Variants in IL15RA observed in about 807,000 individuals in gnomAD.
The protein encoded by IL15RA is interleukin-15 receptor subunit alpha.
Under a neutral mutation model 24.2 loss-of-function variants are expected in IL15RA, and 26 were observed. That is an observed-to-expected ratio of 1.07 (90% CI 0.79 to 1.49). IL15RA has a LOEUF of 1.49. Ranked by LOEUF, IL15RA falls within the 40% of genes most tolerant of loss-of-function variation. The pLI is 0.00. For synonymous variants in IL15RA, 166 were observed against 157.6 expected, an observed-to-expected ratio of 1.05 and a Z score of -0.40; for missense variants, 354 against 356.4, an observed-to-expected ratio of 0.99 and a Z score of 0.05.
rs1589186391 is a variant in IL15RA at position 5,960,346 on chromosome 10, T to C, written c.583+21A>G. On this transcript the variant is annotated intron_variant, in intron 4 of 6. Transcript: ENST00000379977. This position sits in a 1 kb window ranked among gnomAD's most constrained non-coding sequence, Gnocchi z 5.1. ...GCAGCAATGGGGAACTGACCTCTCC[T>C]GGGGCAAAGCGAGTGCTAACCTGGC... 2 of 1,611,258 alleles carry C rather than the reference T, an allele frequency of 1.2e-6. No individual in the cohort carries two copies. The highest frequency in any genetic ancestry group is 1.1e-5 in the South Asian group (1 of 91,016).
In IL15RA at chr10:5,954,170, T is replaced by TC. The variant is rs561406921; in HGVS notation, c.693-965_693-964insG. Among the ~76,000 whole-genome samples, 226 of 90,908 alleles carry TC rather than the reference T, an allele frequency of 2.5e-3. 1 individual carries two copies. The highest frequency in any genetic ancestry group is 0.013 in the African/African-American group (200 of 15,836). The allele number at this position is 90,908 out of a possible 152,430, so 59.6% of individuals were successfully genotyped here. On this transcript the variant is annotated intron_variant, in intron 6 of 6. Coordinates refer to ENST00000379977, the MANE Select transcript of IL15RA (RefSeq NM_002189.4). ...ACTCATCAAATTTACCAATTCTTCT[T>TC]TTTTTTTTTTTTTTTTTCTGAGACA... is the stretch of plus-strand genomic sequence containing the variant.
chr10:5,958,037 C>G lies in IL15RA; in HGVS notation c.617-1583G>C, dbSNP rs955983397. ...ATTTTATCCTACAGATGTTCTTGCA[C>G]CTATGGATTTTCAATTAATGGCTGT... On this transcript the variant is annotated intron_variant, in intron 5 of 6. Transcript: ENST00000379977. This position sits in a 1 kb window ranked among gnomAD's most constrained non-coding sequence, Gnocchi z 4.3. Among the ~76,000 whole-genome samples the G allele has an allele frequency of 2.6e-5, 4 of 152,164 alleles. No homozygotes were observed. Among genetic ancestry groups the G allele is most frequent in the Admixed American group, 2.0e-4 (3 of 15,268 alleles).
At chr10:5,954,086 C>G (rs1165174308) in intron 6 of IL15RA, 1 of 151,876 alleles carries the variant, frequency 6.6e-6, no homozygotes, top group Non-Finnish European at 1.5e-5. Context: ...AACTAATAAC[C>G]CATTTGCAAA....
downstream of IL15RA, among the ~76,000 whole-genome samples, chr10:5,951,336 A>G (rs554126957): frequency 6.6e-6 from 1 of 151,474 alleles, no homozygotes; most frequent in Admixed American, 6.6e-5. Flanking sequence ...CCCCACAAAA[A>G]AAGAAGTCAG....
At position 5,952,939 on chromosome 10, in the gene IL15RA, G is replaced by A. The variant is rs922272646; in HGVS notation, c.*156C>T. On this transcript the variant is annotated 3_prime_UTR_variant, in exon 7 of 7. Coordinates refer to ENST00000379977, the MANE Select transcript of IL15RA (RefSeq NM_002189.4). ...GAACCTGCTCCCTCGCGCAGGAGGCGCCGACCCGGCAGTCCGTGAGATCCT... is the reference window on the plus strand; with the variant it reads ...GAACCTGCTCCCTCGCGCAGGAGGCACCGACCCGGCAGTCCGTGAGATCCT... 8 of 643,468 alleles carry A rather than the reference G, an allele frequency of 1.2e-5. No individual in the cohort carries two copies. The highest frequency in any genetic ancestry group is 1.1e-4 in the Admixed American group (4 of 34,896). 39.9% of individuals were successfully genotyped at this position (643,468 alleles called of 1,614,324 possible). A position where few individuals can be genotyped will look rare whatever the true frequency, so the allele number is the denominator to read the frequency against.
chr10:5,963,497 A>G lies in IL15RA; in HGVS notation c.382+246T>C, dbSNP rs917421237. On this transcript the variant is annotated intron_variant, in intron 3 of 6. Coordinates refer to ENST00000379977, the MANE Select transcript of IL15RA (RefSeq NM_002189.4). The surrounding 1 kb of genome is among the most constrained non-coding windows in gnomAD (Gnocchi z 5.3). ...ATAAGTGTCTACAACTAAATTTGAT[A>G]TGACATATTAGTGAGTTTTAAACCA... Among the ~76,000 whole-genome samples, 3 of 152,252 alleles carry G rather than the reference A, an allele frequency of 2.0e-5. No homozygotes were observed. Among genetic ancestry groups the G allele is most frequent in the Non-Finnish European group, 2.9e-5 (2 of 68,048 alleles).
chr10:5,978,057 G>C (rs4749859), upstream of IL15RA: 1 of 153,000 alleles, frequency 6.5e-6, no homozygotes, highest in African/African-American at 2.4e-5. The surrounding 1 kb of genome is among the most constrained non-coding windows in gnomAD (Gnocchi z 5.2). Context: ...GCCGCGGTGC[G>C]GAGGCGCGGG....
At position 5,966,189 on chromosome 10, in the gene IL15RA, G is replaced by A; in HGVS notation, c.239C>T (p.Ala80Val). 1 of 1,613,402 alleles carries A rather than the reference G, an allele frequency of 6.2e-7. No individual in the cohort carries two copies. Among genetic ancestry groups the A allele is most frequent in the Non-Finnish European group, 8.5e-7 (1 of 1,179,374 alleles). ...SSLTECVLNK[A>V]TNVAHWTTPS... ...GGTTGTCCAGTGGGCGACATTCGTG[G>A]CCTTGTTCAACACGCACTCCGTCAG... is the stretch of plus-strand genomic sequence containing the variant. The change falls in exon 2 of 7, where the codon GCC becomes GTC. Residue 80 changes from alanine (A) to valine (V), a missense_variant. By Grantham distance (64) the Ala-to-Val change is moderately conservative. Transcript: ENST00000379977. This position sits in a 1 kb window ranked among gnomAD's most constrained non-coding sequence, Gnocchi z 6.4.
chr10:5,977,316 CG>C, intron 1 of IL15RA, 88 bp downstream of exon 1: 1 of 577,618 alleles, frequency 1.7e-6, no homozygotes, highest in South Asian at 6.0e-5. Flanking sequence ...CCGCACGGCC[CG>C]GGGAGATGGG....
chr10:5,974,313 T>A (rs1031299179), intron 1 of IL15RA, among the ~76,000 whole-genome samples: 48 of 152,202 alleles, frequency 3.2e-4, no homozygotes, highest in Non-Finnish European at 4.9e-4. Flanking sequence ...ACAATTCAAT[T>A]TTTAAGAGAG....
intron 5 of IL15RA, among the ~76,000 whole-genome samples, chr10:5,957,517 G>A (rs41294151): frequency 3.4e-5 from 5 of 149,192 alleles, no homozygotes; most frequent in Admixed American, 1.3e-4. Context: ...CTCGTGATCC[G>A]CCTGCCTTAG....
rs988355105 is a variant in IL15RA at position 5,959,650 on chromosome 10, T to C, written c.616+104A>G. The C allele has an allele frequency of 1.1e-5, 10 of 921,446 alleles. No homozygotes were observed. Among genetic ancestry groups the C allele is most frequent in the Non-Finnish European group, 1.6e-5 (9 of 556,706 alleles). The allele number at this position is 921,446 out of a possible 1,614,324, so 57.1% of individuals were successfully genotyped here. A position where few individuals can be genotyped will look rare whatever the true frequency, so the allele number is the denominator to read the frequency against. On this transcript the variant is annotated intron_variant, in intron 5 of 6. Transcript: ENST00000379977. This position sits in a 1 kb window ranked among gnomAD's most constrained non-coding sequence, Gnocchi z 4.1. ...GCCTTCTGAGTGTGGAAGGGGCTGC[T>C]GTCAGGGCTGTGCTGGGGCAGCGGG...
At position 5,959,955 on chromosome 10, in the gene IL15RA, G is replaced by T. The variant is rs1034033621; in HGVS notation, c.584-169C>A. On this transcript the variant is annotated intron_variant, in intron 4 of 6. Coordinates refer to ENST00000379977, the MANE Select transcript of IL15RA (RefSeq NM_002189.4). This position sits in a 1 kb window ranked among gnomAD's most constrained non-coding sequence, Gnocchi z 4.1. ...AGAACAAGCAGGGTAGCTCACTGAGGTGCTGGCCACACTTAAGAATCAGAT... is the reference window on the plus strand; with the variant it reads ...AGAACAAGCAGGGTAGCTCACTGAGTTGCTGGCCACACTTAAGAATCAGAT... Among the ~76,000 whole-genome samples the T allele has an allele frequency of 1.3e-5, 2 of 152,194 alleles. No individual in the cohort carries two copies. Among genetic ancestry groups the T allele is most frequent in the African/African-American group, 2.4e-5 (1 of 41,444 alleles).
In IL15RA at chr10:5,968,085, C is replaced by T. The variant is rs1022136310; in HGVS notation, c.89-1746G>A. Among the ~76,000 whole-genome samples the T allele has an allele frequency of 1.3e-5, 2 of 151,978 alleles. No homozygotes were observed. The highest frequency in any genetic ancestry group is 4.8e-5 in the African/African-American group (2 of 41,368). ...AACAAACAGAAAACCCCCCAAAAAC[C>T]AACAAACCAACCAAACAAAAAACAT... is the stretch of plus-strand genomic sequence containing the variant. On this transcript the variant is annotated intron_variant, in intron 1 of 6. Transcript: ENST00000379977. The surrounding 1 kb of genome is among the most constrained non-coding windows in gnomAD (Gnocchi z 5.4).
chr10:5,969,348 A>C (rs1048025666), intron 1 of IL15RA, among the ~76,000 whole-genome samples: 1 of 114,898 alleles, frequency 8.7e-6, no homozygotes. Flanking sequence ...TTTTAAATTA[A>C]ATTTTTTAAA....
Position 5,967,964 on chromosome 10 carries a change from C to A in IL15RA, c.89-1625G>T, listed in dbSNP as rs998844167. 6.6e-6 allele frequency among the ~76,000 whole-genome samples: 1 copy of A among 152,056 alleles called. No individual in the cohort carries two copies. Among genetic ancestry groups the A allele is most frequent in the Non-Finnish European group, 1.5e-5 (1 of 68,016 alleles). Reference sequence around the variant, plus strand: ...ATCCCAGCTACTCAGGAGGCTGAGGCAGGAGAATCACAGGAACCTGAGAGG... The same window carrying A: ...ATCCCAGCTACTCAGGAGGCTGAGGAAGGAGAATCACAGGAACCTGAGAGG... On this transcript the variant is annotated intron_variant, in intron 1 of 6. Transcript: ENST00000379977. This position sits in a 1 kb window ranked among gnomAD's most constrained non-coding sequence, Gnocchi z 4.4.
At chr10:5,952,286 C>A (rs1414366929), downstream of IL15RA, 1 of 152,386 alleles carries the variant, frequency 6.6e-6, no homozygotes, top group Non-Finnish European at 1.5e-5. Context: ...CTGGAAAGAA[C>A]ACCTGAACTC....
At position 5,958,133 on chromosome 10, in the gene IL15RA, T is replaced by C. The variant is rs1834843648; in HGVS notation, c.616+1621A>G. Reference sequence around the variant, plus strand: ...GGTTGGCTAAATTAATGGTAGGAATTCCATACAGTGGAATATTCTGTAGCT... The same window carrying C: ...GGTTGGCTAAATTAATGGTAGGAATCCCATACAGTGGAATATTCTGTAGCT... On this transcript the variant is annotated intron_variant, in intron 5 of 6. Transcript: ENST00000379977. The surrounding 1 kb of genome is among the most constrained non-coding windows in gnomAD (Gnocchi z 4.3). 3.6e-6 allele frequency: 1 copy of C among 275,334 alleles called. No homozygotes were observed. The highest frequency in any genetic ancestry group is 7.5e-6 in the Non-Finnish European group (1 of 133,930). 17.1% of individuals were successfully genotyped at this position (275,334 alleles called of 1,614,324 possible). A position where few individuals can be genotyped will look rare whatever the true frequency, so the allele number is the denominator to read the frequency against.
rs1837409998 is a variant in IL15RA at position 5,970,592 on chromosome 10, T to C, written c.89-4253A>G. Among the ~76,000 whole-genome samples, 1 of 152,150 alleles carries C rather than the reference T, an allele frequency of 6.6e-6. No individual in the cohort carries two copies. The highest frequency in any genetic ancestry group is 2.4e-5 in the African/African-American group (1 of 41,410). On this transcript the variant is annotated intron_variant, in intron 1 of 6. Coordinates refer to ENST00000379977, the MANE Select transcript of IL15RA (RefSeq NM_002189.4). The surrounding 1 kb of genome is among the most constrained non-coding windows in gnomAD (Gnocchi z 4.1). ...ATGTTTGAATGTACAAGGATATCAA[T>C]GTACTACAGCCAATCCAACCAGGCA... is the stretch of plus-strand genomic sequence containing the variant.
Sources: gnomAD v4.1 joint callset for allele counts (sites outside exome capture counted in the v4.1 genomes callset) on GRCh38, gnomAD v4.1.1 for gene constraint, Gnocchi (gnomAD v3.1) non-coding constraint, MANE v1.5 for transcripts, NCBI Gene and HGNC (gene_info 2026-07-23, HGNC 2026-07-21) for gene names.